GDF11: variants seen among roughly 807,000 people sequenced by gnomAD.
The protein encoded by GDF11 is growth differentiation factor 11.
In GDF11, 12 loss-of-function variants were observed where a neutral mutation model predicts 34.4. That is an observed-to-expected ratio of 0.35 (90% CI 0.22 to 0.57). The LOEUF (loss-of-function observed/expected upper bound fraction) is 0.57, where lower values mean the gene tolerates loss of function less well. Among genes scored for constraint, GDF11 ranks in the 20% least tolerant of loss-of-function variants. The pLI is 0.86. For synonymous variants in GDF11, 212 were observed against 231.1 expected, an observed-to-expected ratio of 0.92 and a Z score of 0.75; for missense variants, 346 against 548.2, an observed-to-expected ratio of 0.63 and a Z score of 3.68.
In GDF11 at chr12:55,748,473, AAAG is replaced by A. The variant is rs1396488172; in HGVS notation, c.446-107_446-105del. The A allele has an allele frequency of 2.6e-5, 23 of 896,416 alleles. No individual in the cohort carries two copies. Among genetic ancestry groups the A allele is most frequent in the East Asian group, 1.7e-4 (7 of 41,370 alleles). The allele number at this position is 896,416 out of a possible 1,614,324, so 55.5% of individuals were successfully genotyped here. Reference sequence around the variant, plus strand: ...TATAAGATAGGCATGGGAGAAGGGTAAAGAAGAACTGGAAAATCAGGCTGAGAA... The same window carrying A: ...TATAAGATAGGCATGGGAGAAGGGTAAAGAACTGGAAAATCAGGCTGAGAA... On this transcript the variant is annotated intron_variant, in intron 1 of 2. Coordinates refer to ENST00000257868, the MANE Select transcript of GDF11 (RefSeq NM_005811.5). This position sits in a 1 kb window ranked among gnomAD's most constrained non-coding sequence, Gnocchi z 5.6.
At chr12:55,747,127 T>C (rs1878202722) in intron 1 of GDF11, among the ~76,000 whole-genome samples, 1 of 152,132 alleles carries the variant, frequency 6.6e-6, no homozygotes, top group Non-Finnish European at 1.5e-5. Context: ...ATTTGGGATG[T>C]TGCTTGTCAC....
intron 1 of GDF11, among the ~76,000 whole-genome samples, chr12:55,746,684 T>C (rs1490239595): frequency 6.6e-6 from 1 of 152,236 alleles, no homozygotes; most frequent in Non-Finnish European, 1.5e-5. Flanking sequence ...AATGCGAAAA[T>C]AGTAGTAGCT....
chr12:55,745,877 C>G (rs928085652), intron 1 of GDF11, among the ~76,000 whole-genome samples: 4 of 151,908 alleles, frequency 2.6e-5, no homozygotes, highest in Admixed American at 6.6e-5. Flanking sequence ...GGGAGCCAAG[C>G]CCAGCCCGAG....
rs1389761362 is a variant in GDF11, at chr12:55,750,159, T to TA, written c.*278dup. On this transcript the variant is annotated 3_prime_UTR_variant, in exon 3 of 3. Transcript: ENST00000257868. ...AGACAGAGAGATGTAGAGACAGTGA[T>TA]AGAGACAGAGGAACAAAAAGAGCAG... 14 of 410,642 alleles carry TA rather than the reference T, an allele frequency of 3.4e-5. No homozygotes were observed. The highest frequency in any genetic ancestry group is 8.0e-5 in the Admixed American group (2 of 24,934). The allele number at this position is 410,642 out of a possible 1,614,324, so 25.4% of individuals were successfully genotyped here. A position where few individuals can be genotyped will look rare whatever the true frequency, so the allele number is the denominator to read the frequency against.
rs1370492584 is a variant in GDF11 at position 55,749,481 on chromosome 12, TC to T, written c.844-17del. 1 of 1,588,974 alleles carries T rather than the reference TC, an allele frequency of 6.3e-7. No individual in the cohort carries two copies. The highest frequency in any genetic ancestry group is 8.6e-7 in the Non-Finnish European group (1 of 1,164,770). ...TGTTCAGGACCATATCACATTTCTT[TC>T]CCCTCTCCCTGACCCTCAGCATCCA... is the stretch of plus-strand genomic sequence containing the variant. On this transcript the variant is annotated intron_variant, in intron 2 of 2. Transcript: ENST00000257868. The surrounding 1 kb of genome is among the most constrained non-coding windows in gnomAD (Gnocchi z 5.6).
In GDF11 at chr12:55,743,234, TCCTC is replaced by T. The variant is rs1278812525; in HGVS notation, c.-73_-70del. ...ATCCCGCGCCGCCCGGACCCCCTCC[TCCTC>T]CCTCCCTCCTCCCTCCGCCCCCTCC... On this transcript the variant is annotated 5_prime_UTR_variant, in exon 1 of 3. Transcript: ENST00000257868. The T allele has an allele frequency of 5.0e-5, 15 of 301,200 alleles. No homozygotes were observed. Among genetic ancestry groups the T allele is most frequent in the African/African-American group, 8.2e-5 (3 of 36,696 alleles). 18.7% of individuals were successfully genotyped at this position (301,200 alleles called of 1,614,324 possible).
chr12:55,749,388 A>G lies in GDF11; in HGVS notation c.844-114A>G. The G allele has an allele frequency of 8.6e-7, 1 of 1,162,316 alleles. No individual in the cohort carries two copies. Among genetic ancestry groups the G allele is most frequent in the Non-Finnish European group, 1.2e-6 (1 of 828,198 alleles). The allele number at this position is 1,162,316 out of a possible 1,614,324, so 72.0% of individuals were successfully genotyped here. On this transcript the variant is annotated intron_variant, in intron 2 of 2. Coordinates refer to ENST00000257868, the MANE Select transcript of GDF11 (RefSeq NM_005811.5). This position sits in a 1 kb window ranked among gnomAD's most constrained non-coding sequence, Gnocchi z 5.6. Reference sequence around the variant, plus strand: ...AATTCTGGGGGTGGGAGCAATGGAAAAGCTGAGAAGTCAGCAGTCTCTATT... The same window carrying G: ...AATTCTGGGGGTGGGAGCAATGGAAGAGCTGAGAAGTCAGCAGTCTCTATT...
chr12:55,743,901 G>T, intron 1 of GDF11, 140 bp downstream of exon 1: 1 of 666,394 alleles, frequency 1.5e-6, no homozygotes, highest in Non-Finnish European at 2.5e-6. Flanking sequence ...GGGAGCGGGG[G>T]CTACTTCATA....
chr12:55,749,522 A>G lies in GDF11; in HGVS notation c.864A>G (p.Arg288=). The part of the protein sequence containing the change: ...AEGLHPFMEL[R]VLENTKRSRR... The stretch of plus-strand genomic sequence containing the variant: ...CTCAGCATCCATTCATGGAGCTTCG[A>G]GTCCTAGAGAACACAAAACGTTCCC... The change falls in exon 3 of 3, where the codon CGA becomes CGG. Residue 288 remains arginine (R), a synonymous_variant. Transcript: ENST00000257868. This position sits in a 1 kb window ranked among gnomAD's most constrained non-coding sequence, Gnocchi z 5.6. 6.2e-7 allele frequency: 1 copy of G among 1,609,724 alleles called. No individual in the cohort carries two copies. The highest frequency in any genetic ancestry group is 8.5e-7 in the Non-Finnish European group (1 of 1,176,484).
At chr12:55,747,907 A>G (rs2136166901) in intron 1 of GDF11, among the ~76,000 whole-genome samples, 1 of 152,350 alleles carries the variant, frequency 6.6e-6, no homozygotes, top group African/African-American at 2.4e-5. Context: ...AGTCATGGTG[A>G]TGATGATGGA....
At position 55,749,992 on chromosome 12, in the gene GDF11, C is replaced by G. The variant is rs751736098; in HGVS notation, c.*110C>G. The stretch of plus-strand genomic sequence containing the variant: ...CTCCACTCTTCCCGCGAACATCACA[C>G]CGTTCCCCGACCAAGCCGTGTGCAA... On this transcript the variant is annotated 3_prime_UTR_variant, in exon 3 of 3. Transcript: ENST00000257868. The surrounding 1 kb of genome is among the most constrained non-coding windows in gnomAD (Gnocchi z 5.6). 3 of 950,060 alleles carry G rather than the reference C, an allele frequency of 3.2e-6. No individual in the cohort carries two copies. Among genetic ancestry groups the G allele is most frequent in the Non-Finnish European group, 4.7e-6 (3 of 632,048 alleles). 58.9% of individuals were successfully genotyped at this position (950,060 alleles called of 1,614,324 possible). A position where few individuals can be genotyped will look rare whatever the true frequency, so the allele number is the denominator to read the frequency against.
At position 55,748,543 on chromosome 12, in the gene GDF11, CACAA is replaced by C. The variant is rs761302493; in HGVS notation, c.446-39_446-36del. The C allele has an allele frequency of 3.9e-6, 6 of 1,550,432 alleles. No individual in the cohort carries two copies. In the South Asian group the frequency reaches 7.4e-5, roughly 19 times the overall value. ...GCCACCCAGGACTACTGATCCCCTA[CACAA>C]ACACCCTTTGCTGATGCTGTGCCCT... On this transcript the variant is annotated intron_variant, in intron 1 of 2. Coordinates refer to ENST00000257868, the MANE Select transcript of GDF11 (RefSeq NM_005811.5). The surrounding 1 kb of genome is among the most constrained non-coding windows in gnomAD (Gnocchi z 5.6).
At position 55,743,695 on chromosome 12, in the gene GDF11, G is replaced by A. The variant is rs201671298; in HGVS notation, c.379G>A (p.Glu127Lys). The A allele has an allele frequency of 1.6e-5, 26 of 1,601,304 alleles. No individual in the cohort carries two copies. Among genetic ancestry groups the A allele is most frequent in the Middle Eastern group, 1.6e-4 (1 of 6,072 alleles). Residue 127 changes from glutamate to lysine, a missense_variant, in exon 1 of 3, where the codon GAG becomes AAG. Coordinates refer to ENST00000257868, the MANE Select transcript of GDF11 (RefSeq NM_005811.5). ...CTTCCAGGGCGACGCGCTGCAGCCC[G>A]AGGACTTCCTGGAGGAGGACGAGTA... Reference protein sequence around the residue: ...HDFQGDALQPEDFLEEDEYHA... With the variant: ...HDFQGDALQPKDFLEEDEYHA...
In GDF11 at chr12:55,756,399, TAA is replaced by T. The variant is rs1257954291; in HGVS notation, c.*6519_*6520del. On this transcript the variant is annotated 3_prime_UTR_variant, in exon 3 of 3. Coordinates refer to ENST00000257868, the MANE Select transcript of GDF11 (RefSeq NM_005811.5). ...TCACCAACCAGAGACTTTGGAGAAA[TAA>T]AGAGATATCTTGACATTAGAAAGGT... is the stretch of plus-strand genomic sequence containing the variant. 1 of 152,124 alleles carries T rather than the reference TAA, an allele frequency of 6.6e-6. No homozygotes were observed. The highest frequency in any genetic ancestry group is 1.9e-4 in the East Asian group (1 of 5,190). The allele number at this position is 152,124 out of a possible 1,614,324, so 9.4% of individuals were successfully genotyped here.
In GDF11 at chr12:55,757,163, G is replaced by C. The variant is rs1878531693; in HGVS notation, c.*7281G>C. On this transcript the variant is annotated 3_prime_UTR_variant, in exon 3 of 3. Coordinates refer to ENST00000257868, the MANE Select transcript of GDF11 (RefSeq NM_005811.5). ...CTTTTCCTTGTCTTCTCTTCTAAGG[G>C]ATAAAGGTATTATGGCCAATTCTCT... 1 of 173,826 alleles carries C rather than the reference G, an allele frequency of 5.8e-6. No homozygotes were observed. Among genetic ancestry groups the C allele is most frequent in the African/African-American group, 2.4e-5 (1 of 42,090 alleles). The allele number at this position is 173,826 out of a possible 1,614,324, so 10.8% of individuals were successfully genotyped here. A position where few individuals can be genotyped will look rare whatever the true frequency, so the allele number is the denominator to read the frequency against.
At position 55,750,169 on chromosome 12, in the gene GDF11, G is replaced by A. The variant is rs944945858; in HGVS notation, c.*287G>A. The A allele has an allele frequency of 1.7e-5, 6 of 362,166 alleles. 1 individual carries two copies. The Middle Eastern group carries it at 3.6e-3, about 216-fold the overall frequency. 22.4% of individuals were successfully genotyped at this position (362,166 alleles called of 1,614,324 possible). A position where few individuals can be genotyped will look rare whatever the true frequency, so the allele number is the denominator to read the frequency against. ...ATGTAGAGACAGTGATAGAGACAGA[G>A]GAACAAAAAGAGCAGCAGTGAGAAG... On this transcript the variant is annotated 3_prime_UTR_variant, in exon 3 of 3. Transcript: ENST00000257868.
At position 55,752,148 on chromosome 12, in the gene GDF11, T is replaced by C. The variant is rs1878341082; in HGVS notation, c.*2266T>C. The C allele has an allele frequency of 6.6e-6, 1 of 152,124 alleles. No individual in the cohort carries two copies. The highest frequency in any genetic ancestry group is 1.5e-5 in the Non-Finnish European group (1 of 68,050). The allele number at this position is 152,124 out of a possible 1,614,324, so 9.4% of individuals were successfully genotyped here. A position where few individuals can be genotyped will look rare whatever the true frequency, so the allele number is the denominator to read the frequency against. ...CTGAAGGACAAGACACACCCGGCCA[T>C]CAACACCACTCACATTTCCTTGGTG... On this transcript the variant is annotated 3_prime_UTR_variant, in exon 3 of 3. Coordinates refer to ENST00000257868, the MANE Select transcript of GDF11 (RefSeq NM_005811.5).
Position 55,749,913 on chromosome 12 carries a change from A to T in GDF11, c.*31A>T. On this transcript the variant is annotated 3_prime_UTR_variant, in exon 3 of 3. Coordinates refer to ENST00000257868, the MANE Select transcript of GDF11 (RefSeq NM_005811.5). This position sits in a 1 kb window ranked among gnomAD's most constrained non-coding sequence, Gnocchi z 5.6. ...GGGATAGAGGATGCCTCCCCCACAGACCCTACCCCAAGACCCCTAGCCCTG... is the reference window on the plus strand; with the variant it reads ...GGGATAGAGGATGCCTCCCCCACAGTCCCTACCCCAAGACCCCTAGCCCTG... The T allele has an allele frequency of 6.4e-7, 1 of 1,572,128 alleles. No individual in the cohort carries two copies. Among genetic ancestry groups the T allele is most frequent in the East Asian group, 2.3e-5 (1 of 44,442 alleles).
chr12:55,753,081 G>C lies in GDF11; in HGVS notation c.*3199G>C, dbSNP rs1878376515. On this transcript the variant is annotated 3_prime_UTR_variant, in exon 3 of 3. Transcript: ENST00000257868. ...AGGATGGAAAGAGGACAGGAAACTGGGGGTACCTAGAACAACCCCTCTCTG... is the reference window on the plus strand; with the variant it reads ...AGGATGGAAAGAGGACAGGAAACTGCGGGTACCTAGAACAACCCCTCTCTG... The C allele has an allele frequency of 6.6e-6, 1 of 152,176 alleles. No individual in the cohort carries two copies. The highest frequency in any genetic ancestry group is 1.5e-5 in the Non-Finnish European group (1 of 68,078). The allele number at this position is 152,176 out of a possible 1,614,324, so 9.4% of individuals were successfully genotyped here.
Sources: gnomAD v4.1 joint callset for allele counts (sites outside exome capture counted in the v4.1 genomes callset) on GRCh38, gnomAD v4.1.1 for gene constraint, Gnocchi (gnomAD v3.1) non-coding constraint, MANE v1.5 for transcripts, NCBI Gene and HGNC (gene_info 2026-07-23, HGNC 2026-07-21) for gene names.